IGFN1: variants seen among roughly 807,000 people sequenced by gnomAD.
IGFN1 encodes immunoglobulin like and fibronectin type III domain containing 1, also known as immunoglobulin-like and fibronectin type III domain-containing protein 1.
IGFN1 carries 253 observed loss-of-function variants against 289.5 expected under a neutral mutation model. The ratio of observed to expected loss-of-function variants is 0.87; its 90% CI spans 0.79 to 0.97. The LOEUF (loss-of-function observed/expected upper bound fraction) is 0.97. Among genes scored for constraint, IGFN1 ranks in the 50% least tolerant of loss-of-function variants. The pLI, the probability that IGFN1 is intolerant of heterozygous loss-of-function variation, is 0.00. For missense variants in IGFN1, 4,470 were observed against 4,686.1 expected (o/e 0.95, Z 1.35); for synonymous variants, 1,706 against 1,788.5 (o/e 0.95, Z 1.16).
chr1:201,206,846 A>C lies in IGFN1; in HGVS notation c.1953A>C (p.Gly651=). ...GDAPSRERGR[G]IVVWGGGTGL... is the part of the protein sequence containing the mutation. ...CTCCAAGTAGGGAAAGGGGGAGAGGAATAGTAGTGTGGGGTGGTGGGACTG... is the reference window on the plus strand; with the variant it reads ...CTCCAAGTAGGGAAAGGGGGAGAGGCATAGTAGTGTGGGGTGGTGGGACTG... The change falls in exon 12 of 24, where the codon GGA becomes GGC. Residue 651 remains glycine (G), a synonymous_variant. Transcript: ENST00000335211. 6.5e-7 allele frequency: 1 copy of C among 1,536,484 alleles called. No homozygotes were observed.
Position 201,215,171 on chromosome 1 carries a change from C to A in IGFN1, c.8995+17C>A. 6.2e-7 allele frequency: 1 copy of A among 1,608,098 alleles called. No individual in the cohort carries two copies. ...CCGTCCAGGGTAAGGCCCAGCCCTG[C>A]CCTGCCCTGCCCTGTCCTGTCCCAC... On this transcript the variant is annotated intron_variant, in intron 14 of 23. Coordinates refer to ENST00000335211, the MANE Select transcript of IGFN1 (RefSeq NM_001164586.2).
chr1:201,211,258 C>G lies in IGFN1; in HGVS notation c.6365C>G (p.Ala2122Gly), dbSNP rs938277268. ...APEGIGSGSK[A>G]GFRDGLGSST... ...GAGGGAATAGGTTCAGGAAGTAAGGCAGGTTTTAGGGATGGTTTAGGGAGT... is the reference window on the plus strand; with the variant it reads ...GAGGGAATAGGTTCAGGAAGTAAGGGAGGTTTTAGGGATGGTTTAGGGAGT... The change falls in exon 12 of 24, where the codon GCA (alanine) becomes GGA (glycine). Residue 2122 changes from alanine (A) to glycine (G), a missense_variant. This residue lies in a region of IGFN1 where 2,218 missense variants were observed against 2,114.1 expected (regional missense o/e 1.05). Transcript: ENST00000335211. The G allele has an allele frequency of 2.6e-6, 4 of 1,528,070 alleles. No homozygotes were observed. The African/African-American group carries it at 5.6e-5, about 22-fold the overall frequency. The allele number at this position is 1,528,070 out of a possible 1,614,324, so 94.7% of individuals were successfully genotyped here.
At position 201,210,170 on chromosome 1, in the gene IGFN1, G is replaced by A. The variant is rs745477345; in HGVS notation, c.5277G>A (p.Gly1759=). 2 of 1,285,460 alleles carry A rather than the reference G, an allele frequency of 1.6e-6. No homozygotes were observed. Among genetic ancestry groups the A allele is most frequent in the African/African-American group, 2.3e-5 (1 of 44,016 alleles). The allele number at this position is 1,285,460 out of a possible 1,614,324, so 79.6% of individuals were successfully genotyped here. A position where few individuals can be genotyped will look rare whatever the true frequency, so the allele number is the denominator to read the frequency against. ...GTGCTCCTAAGGGAATAGGTTCAGG[G>A]AGCAAGGCAGATTTTAGGGATGCTT... The part of the protein sequence containing the change: ...DLGAPKGIGS[G]SKADFRDALG... Residue 1759 remains glycine, a synonymous_variant, in exon 12 of 24, where the codon GGG becomes GGA. Transcript: ENST00000335211.
intron 10 of IGFN1, 75 bp from the exon 11 acceptor site, chr1:201,205,007 T>C (rs764837921): frequency 7.1e-7 from 1 of 1,414,508 alleles, no homozygotes. Context: ...GATTTCTGAA[T>C]GGCCAGCCTT....
At chr1:201,222,871 C>A in intron 20 of IGFN1, 44 bp downstream of exon 20, 1 of 1,387,646 alleles carries the variant, frequency 7.2e-7, no homozygotes, top group Non-Finnish European at 1.0e-6. Flanking sequence ...CCCAGAGAGG[C>A]CAAGGGGGCC....
intron 22 of IGFN1, among the ~76,000 whole-genome samples, chr1:201,226,603 G>A (rs1430596108): frequency 2.0e-5 from 3 of 152,172 alleles, no homozygotes; most frequent in African/African-American, 7.2e-5. Context: ...TATAGGTAGT[G>A]AGATTATGAT....
In IGFN1 at chr1:201,221,690, G is replaced by A; in HGVS notation, c.10145G>A (p.Gly3382Glu). Residue 3382 changes from glycine (G) to glutamate (E), a missense_variant, in exon 19 of 24, where the codon GGA (glycine) becomes GAA (glutamate). Gly to Glu is a moderately conservative substitution (Grantham distance 98). This residue lies in a region of IGFN1 where 2,218 missense variants were observed against 2,114.1 expected (regional missense o/e 1.05). Coordinates refer to ENST00000335211, the MANE Select transcript of IGFN1 (RefSeq NM_001164586.2). Reference protein sequence around the residue: ...YFVRVTAVNEGGQSQPSALDT... With the variant: ...YFVRVTAVNEEGQSQPSALDT... ...GTGCGGGTGACAGCAGTTAATGAAGGAGGCCAGAGCCAGCCCAGTGCCCTG... is the reference window on the plus strand; with the variant it reads ...GTGCGGGTGACAGCAGTTAATGAAGAAGGCCAGAGCCAGCCCAGTGCCCTG... The A allele has an allele frequency of 9.9e-6, 16 of 1,613,642 alleles. No homozygotes were observed. The highest frequency in any genetic ancestry group is 1.7e-5 in the Admixed American group (1 of 59,984).
At position 201,212,950 on chromosome 1, in the gene IGFN1, G is replaced by A. The variant is rs1455200432; in HGVS notation, c.8057G>A (p.Cys2686Tyr). The A allele has an allele frequency of 9.7e-6, 15 of 1,551,456 alleles. 1 individual carries two copies. In the South Asian group the frequency reaches 1.7e-4, roughly 17 times the overall value. Residue 2686 changes from cysteine to tyrosine, a missense_variant, in exon 12 of 24, where the codon TGC (cysteine) becomes TAC (tyrosine). Cys to Tyr is a radical substitution (Grantham distance 194, BLOSUM62 -2). Coordinates refer to ENST00000335211, the MANE Select transcript of IGFN1 (RefSeq NM_001164586.2). ...CCAGGCCAAGAGGCGGCTGGTGGAT[G>A]CCGAAGCCCATGGTCCCTGGATAGC... is the stretch of plus-strand genomic sequence containing the variant. Reference protein sequence around the residue: ...GAPGQEAAGGCRSPWSLDSKG... With the variant: ...GAPGQEAAGGYRSPWSLDSKG...
intron 22 of IGFN1, 145 bp downstream of exon 22, chr1:201,226,268 C>G: frequency 3.2e-6 from 3 of 934,754 alleles, no homozygotes; most frequent in Non-Finnish European, 4.5e-6. Context: ...CCAGCAGCCC[C>G]GAGCTGCTGC....
At chr1:201,196,465 C>G (rs528634894) in intron 4 of IGFN1, among the ~76,000 whole-genome samples, 1 of 152,312 alleles carries the variant, frequency 6.6e-6, no homozygotes, top group East Asian at 1.9e-4. Flanking sequence ...CTGCTTCAGC[C>G]TCCCAAGTAG....
Position 201,215,596 on chromosome 1 carries a change from A to G in IGFN1, c.9053A>G (p.Lys3018Arg). ...TEKLREPLVV[K>R]AGKPVIVKIP... ...AAACTGAGAGAGCCACTGGTGGTCA[A>G]GGCTGGGAAGCCGGTGATAGTGAAG... The change falls in exon 15 of 24, where the codon AAG becomes AGG. Residue 3018 changes from lysine (K) to arginine (R), a missense_variant. Coordinates refer to ENST00000335211, the MANE Select transcript of IGFN1 (RefSeq NM_001164586.2). The G allele has an allele frequency of 1.2e-6, 2 of 1,612,032 alleles. No homozygotes were observed. The highest frequency in any genetic ancestry group is 1.7e-6 in the Non-Finnish European group (2 of 1,179,098).
At chr1:201,214,063 GCCCTGCTGACACCAGCCAAGC>G in intron 12 of IGFN1, 93 bp from the exon 13 acceptor site, 1 of 1,115,610 alleles carries the variant, frequency 9.0e-7, no homozygotes, top group Non-Finnish European at 1.2e-6. Flanking sequence ...CTGGGAACCA[GCCCTGCTGACACCAGCCAAGC>G]CCAGTTGGCA....
intron 9 of IGFN1, among the ~76,000 whole-genome samples, chr1:201,203,506 T>G (rs1667249876): frequency 6.6e-6 from 1 of 152,224 alleles, no homozygotes; most frequent in South Asian, 2.1e-4. Context: ...TGCAGACTTT[T>G]CACTCCATGG....
chr1:201,209,386 ATTTGGGGG>A lies in IGFN1; in HGVS notation c.4497_4504del (p.Leu1499PhefsTer2), dbSNP rs1343222768. ...TTAATTGAGGCAGGCTATAGGAAAG[ATTTGGGGG>A]TTTCTGAGGGAGGGGGTTCAGGGAG... is the stretch of plus-strand genomic sequence containing the variant. On this transcript the variant is annotated frameshift_variant, in exon 12 of 24. Transcript: ENST00000335211. LOFTEE classifies it high-confidence loss of function. The A allele has an allele frequency of 6.6e-7, 1 of 1,514,938 alleles. No individual in the cohort carries two copies. Among genetic ancestry groups the A allele is most frequent in the Admixed American group, 2.1e-5 (1 of 48,166 alleles). The allele number at this position is 1,514,938 out of a possible 1,614,324, so 93.8% of individuals were successfully genotyped here.
chr1:201,202,262 T>C (rs1048584120), intron 9 of IGFN1, among the ~76,000 whole-genome samples: 1 of 152,164 alleles, frequency 6.6e-6, no homozygotes, highest in African/African-American at 2.4e-5. Flanking sequence ...GCTAGTTCTG[T>C]AGCCAAACTC....
At chr1:201,214,070 T>C in intron 12 of IGFN1, 107 bp from the exon 13 acceptor site, 1 of 1,220,754 alleles carries the variant, frequency 8.2e-7, no homozygotes, top group Non-Finnish European at 1.1e-6. Context: ...CCAGCCCTGC[T>C]GACACCAGCC....
chr1:201,213,732 G>T (rs1303097666), intron 12 of IGFN1, 111 bp downstream of exon 12: 3 of 843,344 alleles, frequency 3.6e-6, no homozygotes, highest in Non-Finnish European at 5.5e-6. Context: ...CCAGGAGTTT[G>T]TCCCTGCCAG....
chr1:201,192,912 G>A (rs1422831792), intron 1 of IGFN1, among the ~76,000 whole-genome samples: 5 of 152,186 alleles, frequency 3.3e-5, no homozygotes, highest in African/African-American at 1.2e-4. Flanking sequence ...GGAGGGTTGT[G>A]TCTCATGTTC....
chr1:201,200,704 T>C (rs1667111317), intron 8 of IGFN1, among the ~76,000 whole-genome samples: 2 of 152,220 alleles, frequency 1.3e-5, no homozygotes, highest in Admixed American at 1.3e-4. Context: ...TAGTCATGCC[T>C]ACCTTGTAGG....
Sources: gnomAD v4.1 joint callset for allele counts (sites outside exome capture counted in the v4.1 genomes callset) on GRCh38, gnomAD v4.1.1 for gene constraint, gnomAD v4.1.1 regional missense constraint, MANE v1.5 for transcripts, NCBI Gene and HGNC (gene_info 2026-07-23, HGNC 2026-07-21) for gene names.